The following CRTC1 variants were observed in gnomAD, a reference collection of about 807,000 sequenced individuals.
CRTC1 encodes the protein CREB-regulated transcription coactivator 1.
CRTC1 carries 18 observed loss-of-function variants against 66.1 expected under a neutral mutation model. The ratio of observed to expected loss-of-function variants is 0.27; its 90% confidence interval spans 0.19 to 0.40. The LOEUF (loss-of-function observed/expected upper bound fraction) is 0.40, where lower values mean the gene tolerates loss of function less well. CRTC1 is among the 10% of genes least tolerant of loss of function. The pLI, the probability that CRTC1 is intolerant of heterozygous loss-of-function variation, is 1.00. For synonymous variants in CRTC1, 416 were observed against 398.8 expected (o/e 1.04, Z -0.51); for missense variants, 669 against 887.9 (o/e 0.75, Z 3.13).
intron 1 of CRTC1, among the ~76,000 whole-genome samples, chr19:18,718,362 G>T (rs1245046623): frequency 6.6e-6 from 1 of 151,960 alleles, no homozygotes; most frequent in Non-Finnish European, 1.5e-5. Context: ...CTTGAGACAG[G>T]GTCTCACTCT....
Position 18,747,126 on chromosome 19 carries a change from G to C in CRTC1, c.443+12G>C. ...ACCAGCTGGAGAAGGTCAGTGGCTG[G>C]ACACCCCCCCCCCGCCCCCTTCTTG... On this transcript the variant is annotated intron_variant, in intron 4 of 13. Coordinates refer to ENST00000321949, the MANE Select transcript of CRTC1 (RefSeq NM_015321.3). 6.4e-7 allele frequency: 1 copy of C among 1,559,500 alleles called. No individual in the cohort carries two copies.
At chr19:18,738,749 G>A (rs1023679225) in intron 1 of CRTC1, among the ~76,000 whole-genome samples, 4 of 152,180 alleles carry the variant, frequency 2.6e-5, no homozygotes, top group Non-Finnish European at 5.9e-5. Flanking sequence ...GCAGTGAGCC[G>A]AGATCGCGCC....
intron 5 of CRTC1, among the ~76,000 whole-genome samples, chr19:18,752,230 T>C (rs1385911278): frequency 6.6e-6 from 1 of 152,200 alleles, no homozygotes; most frequent in East Asian, 1.9e-4. Flanking sequence ...GGCTGTTCTC[T>C]GTAGCCTGAC....
chr19:18,732,555 T>C (rs1364979878), intron 1 of CRTC1, among the ~76,000 whole-genome samples: 1 of 152,112 alleles, frequency 6.6e-6, no homozygotes, highest in Non-Finnish European at 1.5e-5. Context: ...AGACAGAGGA[T>C]TATTTTGGAT....
At chr19:18,718,675 C>T (rs75273723) in intron 1 of CRTC1, among the ~76,000 whole-genome samples, 1 of 152,132 alleles carries the variant, frequency 6.6e-6, no homozygotes, top group Non-Finnish European at 1.5e-5. Flanking sequence ...TCTTATTCCA[C>T]TGTATGGACA....
chr19:18,755,400 A>G (rs912469514), intron 6 of CRTC1, among the ~76,000 whole-genome samples: 2 of 151,702 alleles, frequency 1.3e-5, no homozygotes, highest in Non-Finnish European at 2.9e-5. Context: ...CTGGGACTAC[A>G]GGTGCATGCC....
chr19:18,723,110 T>G lies in CRTC1; in HGVS notation c.127-19800T>G, dbSNP rs1046106169. Among the ~76,000 whole-genome samples, 4 of 152,066 alleles carry G rather than the reference T, an allele frequency of 2.6e-5. 1 individual carries two copies. The highest frequency in any genetic ancestry group is 9.7e-5 in the African/African-American group (4 of 41,420). On this transcript the variant is annotated intron_variant, in intron 1 of 13. Coordinates refer to ENST00000321949, the MANE Select transcript of CRTC1 (RefSeq NM_015321.3). ...CATGGGGCACCACTCCTGGCTAATT[T>G]TTGTATTTTTGGTAGAGATGGGGTT...
chr19:18,749,012 G>A (rs775467101), intron 4 of CRTC1, among the ~76,000 whole-genome samples: 3 of 152,134 alleles, frequency 2.0e-5, no homozygotes, highest in Admixed American at 6.5e-5. Flanking sequence ...CATAGCTGGT[G>A]GTGGCTGTAC....
In CRTC1 at chr19:18,760,916, GC is replaced by G. The variant is rs2054599489; in HGVS notation, c.886+693del. ...GGCCTGACCTGGCTCCTCTCCCCAGGCCCCCAGCCCCCTCCCCACCTAGAAC... is the reference window on the plus strand; with the variant it reads ...GGCCTGACCTGGCTCCTCTCCCCAGGCCCCAGCCCCCTCCCCACCTAGAAC... On this transcript the variant is annotated intron_variant, in intron 8 of 13. Coordinates refer to ENST00000321949, the MANE Select transcript of CRTC1 (RefSeq NM_015321.3). The surrounding 1 kb of genome is among the most constrained non-coding windows in gnomAD (Gnocchi z 6.2). Among the ~76,000 whole-genome samples the G allele has an allele frequency of 6.6e-6, 1 of 151,610 alleles. No homozygotes were observed. Among genetic ancestry groups the G allele is most frequent in the Non-Finnish European group, 1.5e-5 (1 of 67,864 alleles).
intron 11 of CRTC1, 75 bp from the exon 12 acceptor site, chr19:18,774,825 A>G: frequency 7.0e-7 from 1 of 1,436,356 alleles, no homozygotes; most frequent in East Asian, 2.3e-5. Flanking sequence ...CTTGTCTTCC[A>G]GCCGGGCTTG....
At chr19:18,738,989 G>C (rs1163425250) in intron 1 of CRTC1, among the ~76,000 whole-genome samples, 1 of 152,158 alleles carries the variant, frequency 6.6e-6, no homozygotes, top group Admixed American at 6.5e-5. Context: ...AGTGAGGCTG[G>C]GGAGGCTGGA....
chr19:18,781,244 C>T lies in CRTC1; in HGVS notation c.*3862C>T, dbSNP rs550838763. 3 of 227,658 alleles carry T rather than the reference C, an allele frequency of 1.3e-5. No homozygotes were observed. Among genetic ancestry groups the T allele is most frequent in the South Asian group, 3.6e-4 (2 of 5,484 alleles). The allele number at this position is 227,658 out of a possible 1,614,324, so 14.1% of individuals were successfully genotyped here. Reference sequence around the variant, plus strand: ...AGGGCGTGCGGGCGCCAGAGCCTTCCCTACACAGCCTAAGAGCAGGGGCAA... The same window carrying T: ...AGGGCGTGCGGGCGCCAGAGCCTTCTCTACACAGCCTAAGAGCAGGGGCAA... On this transcript the variant is annotated 3_prime_UTR_variant, in exon 14 of 14. Transcript: ENST00000321949.
chr19:18,689,178 C>T (rs1028477954), intron 1 of CRTC1, among the ~76,000 whole-genome samples: 1 of 151,868 alleles, frequency 6.6e-6, no homozygotes, highest in Non-Finnish European at 1.5e-5. Flanking sequence ...AACTCCTGAC[C>T]TCAAGTGATT....
intron 6 of CRTC1, among the ~76,000 whole-genome samples, chr19:18,758,282 C>T (rs990860628): frequency 3.3e-5 from 5 of 151,016 alleles, no homozygotes; most frequent in Non-Finnish European, 7.4e-5. Flanking sequence ...ATGGGGTGAA[C>T]CCGGGAGGCG....
At chr19:18,715,887 A>G (rs1032814249) in intron 1 of CRTC1, among the ~76,000 whole-genome samples, 2 of 152,126 alleles carry the variant, frequency 1.3e-5, no homozygotes, top group African/African-American at 2.4e-5. Flanking sequence ...GCTGCAGCCC[A>G]CGCTCCTTCC....
chr19:18,726,640 G>C (rs769148695), intron 1 of CRTC1, among the ~76,000 whole-genome samples: 3 of 152,158 alleles, frequency 2.0e-5, no homozygotes, highest in Non-Finnish European at 2.9e-5. Context: ...TTATAAAGAA[G>C]ACAAAGGCTG....
At chr19:18,704,128 C>CT (rs1354030418) in intron 1 of CRTC1, among the ~76,000 whole-genome samples, 9 of 152,206 alleles carry the variant, frequency 5.9e-5, no homozygotes, top group South Asian at 2.1e-4. Context: ...TATATTTTTT[C>CT]TTTTTTTATA....
rs558096763 is a variant in CRTC1, at chr19:18,745,175, A to G, written c.244-648A>G. On this transcript the variant is annotated intron_variant, in intron 2 of 13. Transcript: ENST00000321949. ...GCCCCAGGTGCTGGGAGGAAGCCCCATCCAGCCAAGCAGTGGGCCATGGCT... is the reference window on the plus strand; with the variant it reads ...GCCCCAGGTGCTGGGAGGAAGCCCCGTCCAGCCAAGCAGTGGGCCATGGCT... Among the ~76,000 whole-genome samples the G allele has an allele frequency of 5.2e-3, 785 of 152,256 alleles. 6 individuals carry two copies. The highest frequency in any genetic ancestry group is 0.016 in the African/African-American group (668 of 41,560).
rs554043719 is a variant in CRTC1 at position 18,722,323 on chromosome 19, G to A, written c.127-20587G>A. Among the ~76,000 whole-genome samples, 16 of 152,330 alleles carry A rather than the reference G, an allele frequency of 1.1e-4. 1 individual carries two copies. Among genetic ancestry groups the A allele is most frequent in the African/African-American group, 3.8e-4 (16 of 41,574 alleles). Reference sequence around the variant, plus strand: ...AGCTGGCTTCAGAGATGCTGGGGGAGTGGATTGGAGAGTATCCCCCAGACA... The same window carrying A: ...AGCTGGCTTCAGAGATGCTGGGGGAATGGATTGGAGAGTATCCCCCAGACA... On this transcript the variant is annotated intron_variant, in intron 1 of 13. Transcript: ENST00000321949.
Sources: gnomAD v4.1 joint callset for allele counts (sites outside exome capture counted in the v4.1 genomes callset) on GRCh38, gnomAD v4.1.1 for gene constraint, Gnocchi (gnomAD v3.1) non-coding constraint, MANE v1.5 for transcripts, NCBI Gene and HGNC (gene_info 2026-07-23, HGNC 2026-07-21) for gene names.